PREX2: variants seen among roughly 807,000 people sequenced by gnomAD.
The protein encoded by PREX2 is phosphatidylinositol-3,4,5-trisphosphate dependent Rac exchange factor 2, also known as phosphatidylinositol 3,4,5-trisphosphate-dependent Rac exchanger 2 protein.
In PREX2, 107 loss-of-function variants were observed where a neutral mutation model predicts 203.2. That is an observed-to-expected ratio of 0.53 (90% CI 0.45 to 0.62). The LOEUF is 0.62. PREX2 is among the 20% of genes least tolerant of loss of function. The probability of loss-of-function intolerance (pLI) is 0.00; values close to 1 mark genes in which losing one functional copy is unlikely to be tolerated. For missense variants in PREX2, 1,777 were observed against 1,955.9 expected, an observed-to-expected ratio of 0.91 and a Z score of 1.72; for synonymous variants, 672 against 663.6, an observed-to-expected ratio of 1.01 and a Z score of -0.19.
chr8:68,205,357 C>A (rs1045504221), intron 37 of PREX2, among the ~76,000 whole-genome samples: 1 of 152,170 alleles, frequency 6.6e-6, no homozygotes, highest in Non-Finnish European at 1.5e-5. Flanking sequence ...TTCTGTCCTA[C>A]AGGAAAATAA....
chr8:68,048,841 T>A (rs1383859305), intron 8 of PREX2, among the ~76,000 whole-genome samples: 1 of 152,030 alleles, frequency 6.6e-6, no homozygotes. Context: ...TCATGCCTTA[T>A]CACCAAAAAT....
chr8:68,215,741 G>T (rs1812824460), intron 37 of PREX2, among the ~76,000 whole-genome samples: 1 of 151,968 alleles, frequency 6.6e-6, no homozygotes, highest in Non-Finnish European at 1.5e-5. Context: ...GTTTCACCGT[G>T]TTAACCAGGA....
intron 1 of PREX2, among the ~76,000 whole-genome samples, chr8:67,961,411 G>T (rs1242556440): frequency 6.6e-6 from 1 of 151,674 alleles, no homozygotes; most frequent in Non-Finnish European, 1.5e-5. Context: ...CAAGATCTTT[G>T]ATTTAATTAT....
At chr8:68,172,828 A>G (rs945300676) in intron 35 of PREX2, among the ~76,000 whole-genome samples, 4 of 152,176 alleles carry the variant, frequency 2.6e-5, no homozygotes, top group African/African-American at 9.7e-5. Flanking sequence ...ATTTTCTTTT[A>G]CCTTCTTTGC....
At position 68,115,754 on chromosome 8, in the gene PREX2, C is replaced by T. The variant is rs752339694; in HGVS notation, c.3148C>T (p.Leu1050Phe). The T allele has an allele frequency of 1.5e-5, 24 of 1,602,730 alleles. No individual in the cohort carries two copies. The South Asian group carries it at 2.7e-4, about 18-fold the overall frequency. Reference protein sequence around the residue: ...VEMCVCQIDDLLSSITYSPKL... With the variant: ...VEMCVCQIDDFLSSITYSPKL... ...TTTTTTTTTAATATTACATTGCAGC[C>T]TTCTGTCTTCAATAACATATTCTCC... The change falls in exon 26 of 40, where the codon CTT becomes TTT. Residue 1050 changes from leucine to phenylalanine, a missense_variant and splice_region_variant. By Grantham distance (22) the Leu-to-Phe change is conservative. Transcript: ENST00000288368.
intron 37 of PREX2, among the ~76,000 whole-genome samples, chr8:68,202,036 G>A (rs1160968689): frequency 6.6e-6 from 1 of 151,134 alleles, no homozygotes; most frequent in Non-Finnish European, 1.5e-5. Flanking sequence ...CTCCCGAGTA[G>A]CTGGGATTAC....
At chr8:67,990,682 A>T (rs1806572532) in intron 1 of PREX2, among the ~76,000 whole-genome samples, 1 of 151,474 alleles carries the variant, frequency 6.6e-6, no homozygotes, top group East Asian at 2.0e-4. Flanking sequence ...GTGGTATTTT[A>T]TAGTATTTTT....
chr8:68,139,567 G>A (rs368420382), intron 33 of PREX2, among the ~76,000 whole-genome samples: 124 of 152,296 alleles, frequency 8.1e-4, no homozygotes, highest in African/African-American at 2.6e-3. Flanking sequence ...GGCTGTCTCT[G>A]ACTGCTGTGT....
At chr8:68,073,484 C>A (rs931537160) in intron 14 of PREX2, among the ~76,000 whole-genome samples, 1 of 151,986 alleles carries the variant, frequency 6.6e-6, no homozygotes, top group Non-Finnish European at 1.5e-5. Flanking sequence ...AATACTTAAT[C>A]CACATTTGGT....
At chr8:67,986,253 G>T (rs142704327) in intron 1 of PREX2, among the ~76,000 whole-genome samples, 1 of 152,300 alleles carries the variant, frequency 6.6e-6, no homozygotes, top group East Asian at 1.9e-4. Flanking sequence ...CAGAGAGTAG[G>T]CACTCTTATA....
At chr8:67,992,331 C>T (rs184761312) in intron 1 of PREX2, among the ~76,000 whole-genome samples, 1 of 152,242 alleles carries the variant, frequency 6.6e-6, no homozygotes, top group Admixed American at 6.5e-5. Flanking sequence ...ACTTAACATT[C>T]TGGTTTTTCT....
At chr8:68,088,040 T>G (rs926371607) in intron 19 of PREX2, among the ~76,000 whole-genome samples, 1 of 152,212 alleles carries the variant, frequency 6.6e-6, no homozygotes, top group Non-Finnish European at 1.5e-5. Context: ...TAAATCTCAC[T>G]TTTCTGCATC....
intron 1 of PREX2, among the ~76,000 whole-genome samples, chr8:68,008,449 A>G (rs1277563203): frequency 6.6e-6 from 1 of 152,178 alleles, no homozygotes; most frequent in Non-Finnish European, 1.5e-5. Flanking sequence ...AGAAGGAGAG[A>G]ATATGGTGAG....
chr8:68,087,873 G>A (rs1563538275), intron 19 of PREX2, 64 bp downstream of exon 19: 2 of 1,038,608 alleles, frequency 1.9e-6, no homozygotes, highest in East Asian at 4.7e-5. Flanking sequence ...CGATGGAACA[G>A]GAATGTGTTT....
At chr8:68,200,713 G>T (rs550454322) in intron 37 of PREX2, among the ~76,000 whole-genome samples, 1 of 151,970 alleles carries the variant, frequency 6.6e-6, no homozygotes, top group East Asian at 1.9e-4. Flanking sequence ...TGGTGAGCAA[G>T]GATTAATAAA....
chr8:68,206,276 G>T (rs958381214), intron 37 of PREX2, among the ~76,000 whole-genome samples: 11 of 152,186 alleles, frequency 7.2e-5, no homozygotes, highest in Admixed American at 2.0e-4. Context: ...AAAGAGCAGC[G>T]TATGTGAAAA....
At chr8:68,105,912 T>A (rs1459058140) in intron 23 of PREX2, 1 of 158,282 alleles carries the variant, frequency 6.3e-6, no homozygotes, top group Non-Finnish European at 1.4e-5. Flanking sequence ...GCACATGTAT[T>A]ATATATATGG....
chr8:68,111,285 C>T (rs920922113), intron 25 of PREX2, among the ~76,000 whole-genome samples: 10 of 152,056 alleles, frequency 6.6e-5, no homozygotes, highest in Non-Finnish European at 2.9e-5. Flanking sequence ...TTGTCAGTGG[C>T]AAGATTATTG....
intron 10 of PREX2, among the ~76,000 whole-genome samples, chr8:68,058,860 G>A (rs1373707307): frequency 6.6e-6 from 1 of 152,108 alleles, no homozygotes; most frequent in Non-Finnish European, 1.5e-5. Flanking sequence ...GTTGTCTTAT[G>A]GCAAAGTACA....
Sources: gnomAD v4.1 joint callset for allele counts (sites outside exome capture counted in the v4.1 genomes callset) on GRCh38, gnomAD v4.1.1 for gene constraint, MANE v1.5 for transcripts, NCBI Gene and HGNC (gene_info 2026-07-23, HGNC 2026-07-21) for gene names.